Variants in CAMTA1 observed in about 807,000 individuals in gnomAD.
CAMTA1 encodes the protein calmodulin-binding transcription activator 1.
Under a neutral mutation model 170.9 loss-of-function variants are expected in CAMTA1, and 27 were observed. The observed-to-expected ratio is 0.16, with a 90% confidence interval of 0.12 to 0.22. The LOEUF (loss-of-function observed/expected upper bound fraction) is 0.22. CAMTA1 is among the 10% of genes least tolerant of loss of function. CAMTA1 has a pLI of 1.00. For missense variants in CAMTA1, 1,619 were observed against 2,217.2 expected (o/e 0.73, Z 5.42); for synonymous variants, 833 against 891.5 (o/e 0.93, Z 1.17).
intron 4 of CAMTA1, among the ~76,000 whole-genome samples, chr1:7,130,560 T>A (rs1480322348): frequency 6.6e-6 from 1 of 152,202 alleles, no homozygotes; most frequent in Non-Finnish European, 1.5e-5. Flanking sequence ...TTTGTGTCAT[T>A]TTACTTTTCT....
intron 1 of CAMTA1, among the ~76,000 whole-genome samples, chr1:6,813,642 A>G (rs909800913): frequency 2.6e-5 from 4 of 152,026 alleles, no homozygotes; most frequent in African/African-American, 9.6e-5. Context: ...TTTTTTAGAG[A>G]TGGGGTCCTG....
At chr1:7,099,778 C>T (rs2071919) in intron 4 of CAMTA1, among the ~76,000 whole-genome samples, 37,896 of 152,052 alleles carry the variant, frequency 0.25, 4,921 homozygotes, top group East Asian at 0.31. Context: ...TTTGAGCTGG[C>T]CTGGCTGCTG....
intron 3 of CAMTA1, chr1:7,008,613 A>C (rs1335312332): frequency 6.6e-6 from 1 of 152,180 alleles, no homozygotes; most frequent in Non-Finnish European, 1.5e-5. Flanking sequence ...TGTCTACACT[A>C]GATGAATAGA....
intron 11 of CAMTA1, among the ~76,000 whole-genome samples, chr1:7,712,610 C>T (rs1466205901): frequency 6.6e-6 from 1 of 152,208 alleles, no homozygotes; most frequent in Non-Finnish European, 1.5e-5. Context: ...AGAGCCACCA[C>T]ATCCAGCTCA....
In CAMTA1 at chr1:7,284,198, A is replaced by C. The variant is rs868218111; in HGVS notation, c.438+34572A>C. Among the ~76,000 whole-genome samples the C allele has an allele frequency of 6.9e-3, 966 of 139,364 alleles. 6 individuals are homozygous for C. The highest frequency in any genetic ancestry group is 0.019 in the African/African-American group (710 of 37,362). The allele number at this position is 139,364 out of a possible 152,430, so 91.4% of individuals were successfully genotyped here. ...TCTTCTTATTATTATTATTATTATT[A>C]TTATTATTATTATTATTATTTCTGA... On this transcript the variant is annotated intron_variant, in intron 5 of 22. Coordinates refer to ENST00000303635, the MANE Select transcript of CAMTA1 (RefSeq NM_015215.4).
chr1:7,389,643 A>G (rs956478775), intron 5 of CAMTA1: 5 of 152,408 alleles, frequency 3.3e-5, no homozygotes, highest in African/African-American at 1.2e-4. Context: ...GTGGGTGGGT[A>G]ATTTATCTTA....
intron 4 of CAMTA1, among the ~76,000 whole-genome samples, chr1:7,225,285 T>C (rs1451361979): frequency 1.3e-5 from 2 of 152,094 alleles, no homozygotes; most frequent in African/African-American, 2.4e-5. Context: ...GGAATTTCAC[T>C]GTGTTAGCCA....
intron 6 of CAMTA1, among the ~76,000 whole-genome samples, chr1:7,553,119 G>T (rs12041696): frequency 0.039 from 5,838 of 150,972 alleles, 238 homozygotes; most frequent in East Asian, 0.17. Flanking sequence ...GAACGAATGA[G>T]TGAGTGAGTA....
intron 5 of CAMTA1, among the ~76,000 whole-genome samples, chr1:7,279,679 T>A (rs976406443): frequency 3.3e-5 from 5 of 152,172 alleles, no homozygotes; most frequent in Non-Finnish European, 7.3e-5. Flanking sequence ...AGCTCTCTCT[T>A]CGGCATCTGT....
chr1:7,080,705 T>C (rs1262500321), intron 3 of CAMTA1, among the ~76,000 whole-genome samples: 1 of 152,144 alleles, frequency 6.6e-6, no homozygotes, highest in African/African-American at 2.4e-5. Context: ...AGGCTAATTT[T>C]TGTATTTTTA....
chr1:7,442,432 A>ATT (rs1266875467), intron 5 of CAMTA1, among the ~76,000 whole-genome samples: 3 of 152,110 alleles, frequency 2.0e-5, no homozygotes, highest in African/African-American at 7.2e-5. Context: ...TAATAACGAA[A>ATT]TATGCATAGA....
chr1:6,837,037 T>C (rs1299918886), intron 3 of CAMTA1, among the ~76,000 whole-genome samples: 1 of 151,348 alleles, frequency 6.6e-6, no homozygotes, highest in South Asian at 2.1e-4. Context: ...CACTGCAATC[T>C]CCGCCACCCG....
chr1:7,186,415 G>T (rs549627111), intron 4 of CAMTA1, among the ~76,000 whole-genome samples: 1 of 152,354 alleles, frequency 6.6e-6, no homozygotes, highest in East Asian at 1.9e-4. Flanking sequence ...AATTACCAAA[G>T]AAATGATAGC....
At chr1:7,617,536 G>A (rs1351425732) in intron 6 of CAMTA1, among the ~76,000 whole-genome samples, 1 of 152,100 alleles carries the variant, frequency 6.6e-6, no homozygotes, top group African/African-American at 2.4e-5. Context: ...CAGCATATCA[G>A]CAAAGCAAAT....
chr1:7,631,179 G>C (rs111357011), intron 6 of CAMTA1, among the ~76,000 whole-genome samples: 2,756 of 152,220 alleles, frequency 0.018, 71 homozygotes, highest in African/African-American at 0.063. Flanking sequence ...CCAGCCAGGA[G>C]CCTTCCAGCC....
At position 7,562,641 on chromosome 1, in the gene CAMTA1, A is replaced by G. The variant is rs2094973902; in HGVS notation, c.511-77759A>G. The stretch of plus-strand genomic sequence containing the variant: ...CGGAGATGTCACCCACAACCGTCCG[A>G]AGAGATACCCAAATTGTACGCCACT... On this transcript the variant is annotated intron_variant, in intron 6 of 22. Transcript: ENST00000303635. The surrounding 1 kb of genome is among the most constrained non-coding windows in gnomAD (Gnocchi z 4.8). Among the ~76,000 whole-genome samples the G allele has an allele frequency of 6.6e-6, 1 of 152,192 alleles. No individual in the cohort carries two copies. Among genetic ancestry groups the G allele is most frequent in the South Asian group, 2.1e-4 (1 of 4,822 alleles).
At chr1:7,108,794 T>TA (rs1337641618) in intron 4 of CAMTA1, among the ~76,000 whole-genome samples, 8 of 152,250 alleles carry the variant, frequency 5.3e-5, no homozygotes, top group African/African-American at 1.9e-4. Flanking sequence ...CTTAGTGGCT[T>TA]AAAATAACAC....
intron 11 of CAMTA1, among the ~76,000 whole-genome samples, chr1:7,700,308 AGCTTTACCTGTG>A (rs1224987542): frequency 6.6e-6 from 1 of 152,212 alleles, no homozygotes; most frequent in African/African-American, 2.4e-5. Flanking sequence ...TTGCCTTGTC[AGCTTTACCTGTG>A]GCTTTTTAAA....
At chr1:7,329,614 A>C (rs989057054) in intron 5 of CAMTA1, among the ~76,000 whole-genome samples, 1 of 152,192 alleles carries the variant, frequency 6.6e-6, no homozygotes, top group African/African-American at 2.4e-5. Flanking sequence ...TTTCTCCCTG[A>C]AAGCTGACCA....
Sources: gnomAD v4.1 joint callset for allele counts (sites outside exome capture counted in the v4.1 genomes callset) on GRCh38, gnomAD v4.1.1 for gene constraint, Gnocchi (gnomAD v3.1) non-coding constraint, MANE v1.5 for transcripts, NCBI Gene and HGNC (gene_info 2026-07-23, HGNC 2026-07-21) for gene names.